MACROD2: variants seen among roughly 807,000 people sequenced by gnomAD.
MACROD2 encodes the protein ADP-ribose glycohydrolase MACROD2.
Under a neutral mutation model 70.4 loss-of-function variants are expected in MACROD2, and 36 were observed. The observed-to-expected ratio is 0.51, with a 90% CI of 0.39 to 0.68. The LOEUF is 0.68. MACROD2 is among the 30% of genes least tolerant of loss of function. The pLI, the probability that MACROD2 is intolerant of heterozygous loss-of-function variation, is 0.00. For missense variants in MACROD2, 496 were observed against 538.4 expected, an observed-to-expected ratio of 0.92 and a Z score of 0.78; for synonymous variants, 172 against 178.8, an observed-to-expected ratio of 0.96 and a Z score of 0.30.
At chr20:15,188,142 A>C (rs1162942996) in intron 5 of MACROD2, among the ~76,000 whole-genome samples, 1 of 152,184 alleles carries the variant, frequency 6.6e-6, no homozygotes, top group Non-Finnish European at 1.5e-5. Context: ...TCACTTTCTC[A>C]TATAAATTAT....
chr20:14,020,987 C>CTTTTTTTTTTTT (rs1163077387), intron 2 of MACROD2, among the ~76,000 whole-genome samples: 1 of 111,548 alleles, frequency 9.0e-6, no homozygotes, highest in Non-Finnish European at 1.8e-5. Context: ...TTTGAATATT[C>CTTTTTTTTTTTT]TTTTTTTTTT....
chr20:15,701,872 G>C (rs1434149237), intron 8 of MACROD2, among the ~76,000 whole-genome samples: 2 of 152,084 alleles, frequency 1.3e-5, no homozygotes, highest in Non-Finnish European at 2.9e-5. Context: ...ATATCCACGA[G>C]TACTCACTGT....
At chr20:15,070,901 T>C (rs2075613945) in intron 5 of MACROD2, among the ~76,000 whole-genome samples, 1 of 147,952 alleles carries the variant, frequency 6.8e-6, no homozygotes, top group Non-Finnish European at 1.5e-5. Flanking sequence ...TTTGTTTTGT[T>C]TTGTTTTTGG....
At chr20:14,991,487 T>A (rs2074903512) in intron 5 of MACROD2, among the ~76,000 whole-genome samples, 1 of 152,146 alleles carries the variant, frequency 6.6e-6, no homozygotes, top group African/African-American at 2.4e-5. Context: ...ACCTAAGGAA[T>A]TTATTTTCTC....
intron 5 of MACROD2, among the ~76,000 whole-genome samples, chr20:14,828,792 T>C (rs967111173): frequency 3.9e-5 from 6 of 152,044 alleles, no homozygotes; most frequent in Non-Finnish European, 7.4e-5. Context: ...CATTGCATTT[T>C]TACTGAGGAA....
chr20:14,583,070 G>A (rs73612370), intron 4 of MACROD2, among the ~76,000 whole-genome samples: 4 of 17,498 alleles, frequency 2.3e-4, no homozygotes, highest in African/African-American at 4.0e-4. Context: ...AACTAAGGAC[G>A]TGTGACTGTA....
At chr20:15,462,586 T>A (rs2046833743) in intron 7 of MACROD2, among the ~76,000 whole-genome samples, 1 of 152,212 alleles carries the variant, frequency 6.6e-6, no homozygotes, top group African/African-American at 2.4e-5. Flanking sequence ...AAGAGGCAAA[T>A]AGATATTACA....
At chr20:15,973,306 A>G (rs1037189730) in intron 13 of MACROD2, among the ~76,000 whole-genome samples, 4 of 152,170 alleles carry the variant, frequency 2.6e-5, no homozygotes, top group Admixed American at 2.0e-4. Flanking sequence ...GAAAAGAAGC[A>G]TCAGTGGCAG....
intron 13 of MACROD2, among the ~76,000 whole-genome samples, chr20:15,970,779 G>C (rs543327840): frequency 3.9e-5 from 6 of 152,262 alleles, no homozygotes; most frequent in African/African-American, 7.2e-5. Flanking sequence ...CTGAGAGAGT[G>C]ATAACTGGAG....
At chr20:14,992,060 T>G in intron 5 of MACROD2, among the ~76,000 whole-genome samples, 1 of 152,312 alleles carries the variant, frequency 6.6e-6, no homozygotes, top group African/African-American at 2.4e-5. Context: ...TACACATAAC[T>G]ACAAATTATA....
At position 14,427,527 on chromosome 20, in the gene MACROD2, T is replaced by C. The variant is rs567013412; in HGVS notation, c.272-65952T>C. On this transcript the variant is annotated intron_variant, in intron 3 of 17. Transcript: ENST00000684519. ...ATATATGTATGATATATAATATACA[T>C]GTAACATAATATATAACATATCTCA... Among the ~76,000 whole-genome samples the C allele has an allele frequency of 5.1e-4, 78 of 151,672 alleles. 1 individual carries two copies. The highest frequency in any genetic ancestry group is 5.1e-3 in the Admixed American group (78 of 15,170).
At chr20:15,923,798 G>A (rs1460761628) in intron 10 of MACROD2, among the ~76,000 whole-genome samples, 1 of 151,652 alleles carries the variant, frequency 6.6e-6, no homozygotes, top group Non-Finnish European at 1.5e-5. Context: ...CTGCCTAAAG[G>A]TGTGTGGTTT....
Position 14,461,736 on chromosome 20 carries a change from A to G in MACROD2, c.272-31743A>G, listed in dbSNP as rs531530364. On this transcript the variant is annotated intron_variant, in intron 3 of 17. Coordinates refer to ENST00000684519, the MANE Select transcript of MACROD2 (RefSeq NM_001351661.2). ...TGTTCTCATTGTTCAATTCCCACCT[A>G]TGAGTGAGAACATGTGGTGTCTGGT... Among the ~76,000 whole-genome samples the G allele has an allele frequency of 1.5e-3, 220 of 147,682 alleles. 1 individual carries two copies. The highest frequency in any genetic ancestry group is 7.0e-3 in the Middle Eastern group (2 of 284).
intron 5 of MACROD2, among the ~76,000 whole-genome samples, chr20:14,987,163 GT>G (rs1245079257): frequency 6.6e-6 from 1 of 152,052 alleles, no homozygotes; most frequent in Non-Finnish European, 1.5e-5. Flanking sequence ...ACCCCTAGTA[GT>G]AGCAGTATTT....
chr20:15,370,853 T>G (rs2045482023), intron 6 of MACROD2, among the ~76,000 whole-genome samples: 1 of 152,050 alleles, frequency 6.6e-6, no homozygotes, highest in Non-Finnish European at 1.5e-5. Flanking sequence ...GGTAGGGTGG[T>G]AACCAAGAGA....
chr20:14,854,638 C>G (rs1324479806), intron 5 of MACROD2, among the ~76,000 whole-genome samples: 2 of 152,144 alleles, frequency 1.3e-5, no homozygotes, highest in Non-Finnish European at 2.9e-5. Context: ...GCTTGTCACT[C>G]AAAAGTAAAC....
chr20:14,099,464 A>G (rs545921675), intron 3 of MACROD2, among the ~76,000 whole-genome samples: 2 of 152,258 alleles, frequency 1.3e-5, no homozygotes, highest in Non-Finnish European at 2.9e-5. Context: ...TTTGTTCACT[A>G]TTATGCTTGC....
At chr20:15,802,678 C>A (rs2063736586) in intron 8 of MACROD2, among the ~76,000 whole-genome samples, 1 of 152,138 alleles carries the variant, frequency 6.6e-6, no homozygotes. Context: ...CCGAGCACAA[C>A]TAACTGAAAT....
At chr20:14,288,790 G>A (rs573057481) in intron 3 of MACROD2, among the ~76,000 whole-genome samples, 6 of 152,314 alleles carry the variant, frequency 3.9e-5, no homozygotes, top group African/African-American at 9.6e-5. Flanking sequence ...AGTGGTGAAA[G>A]CATGACATAT....
Sources: gnomAD v4.1 joint callset for allele counts (sites outside exome capture counted in the v4.1 genomes callset) on GRCh38, gnomAD v4.1.1 for gene constraint, MANE v1.5 for transcripts, NCBI Gene and HGNC (gene_info 2026-07-23, HGNC 2026-07-21) for gene names.